AGBL4: variants seen among roughly 807,000 people sequenced by gnomAD.
AGBL4 encodes the protein AGBL carboxypeptidase 4, also known as cytosolic carboxypeptidase 6.
AGBL4 carries 58 observed loss-of-function variants against 66.4 expected under a neutral mutation model. That is an observed-to-expected ratio of 0.87 (90% CI 0.71 to 1.09). The LOEUF is 1.09. Among genes scored for constraint, AGBL4 ranks in the 50% least tolerant of loss-of-function variants. The pLI, the probability that AGBL4 is intolerant of heterozygous loss-of-function variation, is 0.00. For missense variants in AGBL4, 579 were observed against 631.0 expected (o/e 0.92, Z 0.88); for synonymous variants, 234 against 222.9 (o/e 1.05, Z -0.44).
chr1:49,593,132 G>A (rs1203381403), intron 3 of AGBL4, among the ~76,000 whole-genome samples: 1 of 152,180 alleles, frequency 6.6e-6, no homozygotes, highest in Non-Finnish European at 1.5e-5. Flanking sequence ...TACTAGGCTG[G>A]GCGCGGTGTC....
At chr1:48,651,869 C>T (rs925317175) in intron 8 of AGBL4, among the ~76,000 whole-genome samples, 2 of 152,170 alleles carry the variant, frequency 1.3e-5, no homozygotes, top group Non-Finnish European at 2.9e-5. Context: ...TCAGTTTCTT[C>T]ATTAGTAAAG....
intron 2 of AGBL4, among the ~76,000 whole-genome samples, chr1:49,839,914 A>C (rs890811374): frequency 2.6e-5 from 4 of 152,168 alleles, no homozygotes; most frequent in African/African-American, 9.7e-5. Flanking sequence ...CAGGACAAAA[A>C]TTTTGGGGTA....
At chr1:49,011,955 A>G (rs919455059) in intron 5 of AGBL4, among the ~76,000 whole-genome samples, 4 of 151,732 alleles carry the variant, frequency 2.6e-5, no homozygotes, top group African/African-American at 9.7e-5. Context: ...TGGGTGCAGC[A>G]CACCAGCATG....
At chr1:49,043,501 G>C (rs748643804) in intron 5 of AGBL4, among the ~76,000 whole-genome samples, 1 of 151,938 alleles carries the variant, frequency 6.6e-6, no homozygotes, top group Non-Finnish European at 1.5e-5. Flanking sequence ...TATTCCCTTT[G>C]AGCTGTTATT....
At chr1:48,697,983 C>A (rs1287793464) in intron 6 of AGBL4, among the ~76,000 whole-genome samples, 2 of 152,336 alleles carry the variant, frequency 1.3e-5, no homozygotes, top group East Asian at 3.9e-4. Context: ...CCAGACCAAA[C>A]CCCAAGGCCA....
intron 4 of AGBL4, among the ~76,000 whole-genome samples, chr1:49,139,153 A>G (rs1395938434): frequency 6.6e-6 from 1 of 152,140 alleles, no homozygotes; most frequent in Non-Finnish European, 1.5e-5. Context: ...CACTCCTCCA[A>G]CACTTAAAAT....
intron 8 of AGBL4, among the ~76,000 whole-genome samples, chr1:48,642,243 T>C (rs1450406120): frequency 6.6e-6 from 1 of 152,198 alleles, no homozygotes. Flanking sequence ...CAAGGTTCAT[T>C]CAGCAAGGTC....
chr1:49,272,326 A>T (rs1370860324), intron 3 of AGBL4, among the ~76,000 whole-genome samples: 1 of 152,174 alleles, frequency 6.6e-6, no homozygotes, highest in Non-Finnish European at 1.5e-5. Context: ...AACATGACAA[A>T]TGCTAATAAT....
chr1:49,017,569 T>A (rs1557564129), intron 5 of AGBL4, among the ~76,000 whole-genome samples: 1 of 152,140 alleles, frequency 6.6e-6, no homozygotes, highest in Non-Finnish European at 1.5e-5. Context: ...TCCATCTCTA[T>A]CTACTTCCAA....
At chr1:49,704,225 G>T (rs1042061309) in intron 2 of AGBL4, among the ~76,000 whole-genome samples, 4 of 151,994 alleles carry the variant, frequency 2.6e-5, no homozygotes, top group African/African-American at 7.2e-5. Context: ...AGCAATTTTA[G>T]TGAAAACTGT....
chr1:49,214,747 C>A (rs1027309724), intron 4 of AGBL4, among the ~76,000 whole-genome samples: 1 of 152,044 alleles, frequency 6.6e-6, no homozygotes, highest in South Asian at 2.1e-4. Flanking sequence ...TAGACTGAGA[C>A]TAGTAATAAG....
chr1:49,135,188 A>G (rs1434272840), intron 4 of AGBL4, among the ~76,000 whole-genome samples: 2 of 152,142 alleles, frequency 1.3e-5, no homozygotes, highest in Admixed American at 6.6e-5. Flanking sequence ...ATATATGTAT[A>G]TGATGAAATA....
intron 5 of AGBL4, among the ~76,000 whole-genome samples, chr1:48,874,695 G>A (rs1263530449): frequency 6.6e-6 from 1 of 152,128 alleles, no homozygotes; most frequent in East Asian, 1.9e-4. Flanking sequence ...CTGTAATTAT[G>A]TCAGTCAGTG....
chr1:50,004,623 T>C (rs985863149), intron 1 of AGBL4, among the ~76,000 whole-genome samples: 2 of 152,106 alleles, frequency 1.3e-5, no homozygotes, highest in Non-Finnish European at 2.9e-5. Context: ...TGAGACCTCA[T>C]TCCAGACCAC....
At chr1:49,154,304 CAG>C (rs999971513) in intron 4 of AGBL4, among the ~76,000 whole-genome samples, 2 of 151,442 alleles carry the variant, frequency 1.3e-5, no homozygotes, top group African/African-American at 2.4e-5. Flanking sequence ...ACCTGCTTTA[CAG>C]AGTCATTAAG....
intron 1 of AGBL4, among the ~76,000 whole-genome samples, chr1:49,938,675 G>C (rs1654382332): frequency 6.6e-6 from 1 of 152,202 alleles, no homozygotes; most frequent in Admixed American, 6.5e-5. Context: ...TCCCCGGGAT[G>C]CAAGGCTGGT....
At chr1:48,897,621 C>G (rs1651649747) in intron 5 of AGBL4, among the ~76,000 whole-genome samples, 1 of 152,126 alleles carries the variant, frequency 6.6e-6, no homozygotes, top group African/African-American at 2.4e-5. Context: ...TCTCTTTTCT[C>G]CACATCCTCA....
chr1:49,395,781 G>GTATATATGTATATATATACATA (rs1164879093), intron 3 of AGBL4, among the ~76,000 whole-genome samples: 2 of 129,688 alleles, frequency 1.5e-5, no homozygotes, highest in East Asian at 4.3e-4. Flanking sequence ...ATATACATGT[G>GTATATATGTATATATATACATA]TATATATGTA....
intron 3 of AGBL4, among the ~76,000 whole-genome samples, chr1:49,418,666 TGATCCCCCC>T (rs1191043420): frequency 6.6e-6 from 1 of 152,188 alleles, no homozygotes; most frequent in Non-Finnish European, 1.5e-5. Context: ...GAACAGCCTG[TGATCCCCCC>T]TGTGCTTAAA....
Sources: gnomAD v4.1 joint callset for allele counts (sites outside exome capture counted in the v4.1 genomes callset) on GRCh38, gnomAD v4.1.1 for gene constraint, MANE v1.5 for transcripts, NCBI Gene and HGNC (gene_info 2026-07-23, HGNC 2026-07-21) for gene names.